The following SLC71A1 variants were observed in gnomAD, a reference collection of about 807,000 sequenced individuals.
SLC71A1 encodes the protein solute carrier family 71 member 1.
chr1:100,063,797 A>T, the SLC71A1 span, among the ~76,000 whole-genome samples: 1 of 152,262 alleles, frequency 6.6e-6, no homozygotes, highest in East Asian at 1.9e-4. Flanking sequence ...CCTGTCTCCA[A>T]AAAAGGGGGT....
the SLC71A1 span, among the ~76,000 whole-genome samples, chr1:100,049,330 T>G: frequency 1.3e-3 from 192 of 151,170 alleles, 2 homozygotes; most frequent in African/African-American, 4.6e-3. Context: ...GGTTTTTTTT[T>G]TTTTTTTTGG....
At chr1:100,069,275 T>G in the SLC71A1 span, among the ~76,000 whole-genome samples, 3 of 152,234 alleles carry the variant, frequency 2.0e-5, no homozygotes, top group African/African-American at 4.8e-5. Context: ...AACAAGTATT[T>G]TCCTCCTTGA....
the SLC71A1 span, among the ~76,000 whole-genome samples, chr1:100,063,583 C>T: frequency 6.6e-6 from 1 of 152,066 alleles, no homozygotes; most frequent in Admixed American, 6.5e-5. Context: ...ATTGTTTGAG[C>T]CCAGGAGTTT....
the SLC71A1 span, among the ~76,000 whole-genome samples, chr1:100,073,570 C>G: frequency 6.6e-6 from 1 of 152,206 alleles, no homozygotes; most frequent in Non-Finnish European, 1.5e-5. Context: ...GCATCTCCAT[C>G]ACACTGCCCT....
the SLC71A1 span, chr1:100,059,943 C>A: frequency 1.9e-6 from 3 of 1,613,038 alleles, no homozygotes; most frequent in Non-Finnish European, 2.5e-6. Flanking sequence ...GCCGAAAATC[C>A]TTCTTGCTGC....
the SLC71A1 span, among the ~76,000 whole-genome samples, chr1:100,063,163 G>T: frequency 6.6e-6 from 1 of 152,002 alleles, no homozygotes; most frequent in Non-Finnish European, 1.5e-5. Context: ...TGGTTGGTTC[G>T]TTGGTTTGGT....
At chr1:100,040,235 C>G in the SLC71A1 span, among the ~76,000 whole-genome samples, 9 of 152,300 alleles carry the variant, frequency 5.9e-5, no homozygotes, top group East Asian at 9.6e-4. Context: ...TTTGTACTAG[C>G]ACATTCCTAG....
At chr1:100,044,984 G>C in the SLC71A1 span, among the ~76,000 whole-genome samples, 1 of 152,020 alleles carries the variant, frequency 6.6e-6, no homozygotes, top group Non-Finnish European at 1.5e-5. Flanking sequence ...GGCTATGTGG[G>C]CTCTTTTTTG....
chr1:100,042,838 G>A, the SLC71A1 span, among the ~76,000 whole-genome samples: 3 of 152,042 alleles, frequency 2.0e-5, no homozygotes, highest in Non-Finnish European at 4.4e-5. Context: ...TCGAACTCTT[G>A]ACTTCGGGTG....
chr1:100,079,354 A>G, the SLC71A1 span: 2 of 151,680 alleles, frequency 1.3e-5, no homozygotes, highest in Non-Finnish European at 2.9e-5. Flanking sequence ...TTAATGTCAT[A>G]TGCTCTCTTT....
the SLC71A1 span, among the ~76,000 whole-genome samples, chr1:100,064,207 T>A: frequency 1.1e-4 from 16 of 152,312 alleles, no homozygotes; most frequent in Admixed American, 3.9e-4. Context: ...AGAGGTGTGA[T>A]CTTGGCTTAC....
At chr1:100,068,330 T>G in the SLC71A1 span, 1 of 936,026 alleles carries the variant, frequency 1.1e-6, no homozygotes, top group Non-Finnish European at 1.6e-6. Context: ...CTTTTCAGAA[T>G]AGTTTGGGGA....
the SLC71A1 span, among the ~76,000 whole-genome samples, chr1:100,047,980 A>G: frequency 6.6e-6 from 1 of 152,202 alleles, no homozygotes; most frequent in East Asian, 1.9e-4. Context: ...TACCTAATAT[A>G]AATTTTATTT....
the SLC71A1 span, among the ~76,000 whole-genome samples, chr1:100,063,038 A>G: frequency 6.6e-6 from 1 of 152,166 alleles, no homozygotes; most frequent in Non-Finnish European, 1.5e-5. Flanking sequence ...TAATTAAGCT[A>G]TAGTTTACAT....
At chr1:100,065,123 C>T in the SLC71A1 span, among the ~76,000 whole-genome samples, 3 of 152,148 alleles carry the variant, frequency 2.0e-5, no homozygotes, top group Non-Finnish European at 1.5e-5. Context: ...ATCTGCCTGT[C>T]TCAGCCTCCC....
the SLC71A1 span, among the ~76,000 whole-genome samples, chr1:100,063,539 T>C: frequency 6.6e-6 from 1 of 152,094 alleles, no homozygotes; most frequent in African/African-American, 2.4e-5. Flanking sequence ...CAGTGGCTTA[T>C]AATCCCAGCA....
At chr1:100,042,941 G>C in the SLC71A1 span, 3 of 234,066 alleles carry the variant, frequency 1.3e-5, no homozygotes. Flanking sequence ...GAAACATCAG[G>C]GTGTTTATAT....
the SLC71A1 span, chr1:100,062,005 G>C: frequency 1.9e-6 from 2 of 1,035,128 alleles, no homozygotes; most frequent in Non-Finnish European, 3.0e-6. Context: ...TTGTTTTTAA[G>C]ATAAATATTA....
At chr1:100,079,247 A>G in the SLC71A1 span, 1 of 151,762 alleles carries the variant, frequency 6.6e-6, no homozygotes, top group African/African-American at 2.4e-5. Context: ...GTTTGAAGCT[A>G]GCTTAGGCAA....
Sources: gnomAD v4.1 joint callset for allele counts (sites outside exome capture counted in the v4.1 genomes callset) on GRCh38, gnomAD v4.1.1 for gene constraint, MANE v1.5 for transcripts, NCBI Gene and HGNC (gene_info 2026-07-23, HGNC 2026-07-21) for gene names.